DEPDC5: variants seen among roughly 807,000 people sequenced by gnomAD.
DEPDC5 encodes the protein DEP domain containing 5, GATOR1 subcomplex subunit.
Under a neutral mutation model 217.3 loss-of-function variants are expected in DEPDC5, and 73 were observed. The ratio of observed to expected loss-of-function variants is 0.34; its 90% CI spans 0.28 to 0.41. The LOEUF (loss-of-function observed/expected upper bound fraction) is 0.41. Among genes scored for constraint, DEPDC5 ranks in the 10% least tolerant of loss-of-function variants. The pLI is 1.00. For missense variants in DEPDC5, 1,675 were observed against 2,070.1 expected (o/e 0.81, Z 3.70); for synonymous variants, 733 against 756.7 (o/e 0.97, Z 0.51).
Position 31,864,529 on chromosome 22 carries a change from T to TATAC in DEPDC5, c.3330+3099_3330+3100insCATA, listed in dbSNP as rs2092628208. Among the ~76,000 whole-genome samples, 3 of 134,986 alleles carry TATAC rather than the reference T, an allele frequency of 2.2e-5. No individual in the cohort carries two copies. In the South Asian group the frequency reaches 6.8e-4, roughly 30 times the overall value. The allele number at this position is 134,986 out of a possible 152,430, so 88.6% of individuals were successfully genotyped here. On this transcript the variant is annotated intron_variant, in intron 33 of 42. Coordinates refer to ENST00000651528, the MANE Select transcript of DEPDC5 (RefSeq NM_001242896.3). ...ATATATATATATATATATATATTTATATATTTATTTATTTACTGTGTGTAT... is the reference window on the plus strand; with the variant it reads ...ATATATATATATATATATATATTTATATACATATTTATTTATTTACTGTGTGTAT...
intron 7 of DEPDC5, among the ~76,000 whole-genome samples, chr22:31,773,196 A>G (rs1347358222): frequency 6.6e-6 from 1 of 152,036 alleles, no homozygotes; most frequent in Non-Finnish European, 1.5e-5. Context: ...TTATTTTTAT[A>G]TATTTATTTC....
chr22:31,791,939 A>AG (rs2085703381), intron 10 of DEPDC5, 94 bp from the exon 11 acceptor site: 2 of 626,990 alleles, frequency 3.2e-6, no homozygotes, highest in African/African-American at 1.9e-5. Flanking sequence ...AAAAAAAAAA[A>AG]AAAAAAAAAA....
intron 23 of DEPDC5, 119 bp downstream of exon 23, chr22:31,821,756 G>A (rs773553056): frequency 1.8e-4 from 249 of 1,398,928 alleles, no homozygotes; most frequent in Non-Finnish European, 2.3e-4. Flanking sequence ...GACAGTATGA[G>A]GTCAGGGCCT....
At chr22:31,811,407 C>G (rs1438835300) in intron 20 of DEPDC5, among the ~76,000 whole-genome samples, 1 of 152,152 alleles carries the variant, frequency 6.6e-6, no homozygotes, top group Admixed American at 6.5e-5. Context: ...AAACAATTCA[C>G]AAATTCCAGA....
At chr22:31,761,654 C>T (rs1448704507) in intron 4 of DEPDC5, among the ~76,000 whole-genome samples, 2 of 141,962 alleles carry the variant, frequency 1.4e-5, no homozygotes, top group Non-Finnish European at 3.0e-5. Flanking sequence ...CAGAGCAAGA[C>T]CCTATCTCAA....
At chr22:31,788,253 A>G (rs967912437) in intron 10 of DEPDC5, among the ~76,000 whole-genome samples, 2 of 148,420 alleles carry the variant, frequency 1.3e-5, no homozygotes, top group African/African-American at 5.0e-5. Context: ...CACACCCACT[A>G]GGATGACTGT....
At chr22:31,899,846 C>T (rs929606033) in intron 40 of DEPDC5, among the ~76,000 whole-genome samples, 3 of 152,134 alleles carry the variant, frequency 2.0e-5, no homozygotes, top group Non-Finnish European at 2.9e-5. Context: ...GAGAGCAGCC[C>T]GGACTCTGTC....
intron 7 of DEPDC5, among the ~76,000 whole-genome samples, chr22:31,770,547 A>ATTTTTTTTT (rs34409975): frequency 3.7e-5 from 5 of 133,464 alleles, no homozygotes; most frequent in African/African-American, 5.5e-5. Context: ...CACGTAGCTA[A>ATTTTTTTTT]TTTTTTTTTT....
Position 31,906,481 on chromosome 22 carries a change from A to G in DEPDC5, c.4796A>G (p.His1599Arg). 6.2e-7 allele frequency: 1 copy of G among 1,606,134 alleles called. No individual in the cohort carries two copies. The highest frequency in any genetic ancestry group is 8.5e-7 in the Non-Finnish European group (1 of 1,173,788). The change falls in exon 43 of 43, where the codon CAT becomes CGT. Residue 1599 changes from histidine to arginine, a missense_variant. By Grantham distance (29) the His-to-Arg change is conservative. This residue lies in a region of DEPDC5 where 49 missense variants were observed against 74.7 expected (regional missense o/e 0.66). Coordinates refer to ENST00000651528, the MANE Select transcript of DEPDC5 (RefSeq NM_001242896.3). This position sits in a 1 kb window ranked among gnomAD's most constrained non-coding sequence, Gnocchi z 5.1. Reference sequence around the variant, plus strand: ...TGGACAAGTTGCCTGGAGAAGATGCATGCCAGTGCCCCGTGAGGCCAGGCT... The same window carrying G: ...TGGACAAGTTGCCTGGAGAAGATGCGTGCCAGTGCCCCGTGAGGCCAGGCT... ...TFWTSCLEKMHASAP is the reference protein window; with the variant it reads ...TFWTSCLEKMRASAP
intron 39 of DEPDC5, among the ~76,000 whole-genome samples, chr22:31,897,023 G>A (rs1018878523): frequency 2.0e-5 from 3 of 152,046 alleles, no homozygotes; most frequent in African/African-American, 7.2e-5. Context: ...AGTCTCAGGT[G>A]GGAGAATTGC....
At chr22:31,778,614 A>T (rs1444114022) in intron 8 of DEPDC5, among the ~76,000 whole-genome samples, 1 of 152,186 alleles carries the variant, frequency 6.6e-6, no homozygotes, top group Non-Finnish European at 1.5e-5. Context: ...TTTGGAGTTG[A>T]TCTTCATTTT....
chr22:31,838,803 G>A lies in DEPDC5; in HGVS notation c.2473G>A (p.Ala825Thr). The change falls in exon 27 of 43, where the codon GCT (alanine) becomes ACT (threonine). Residue 825 changes from alanine (A) to threonine (T), a missense_variant. By Grantham distance (58) the Ala-to-Thr change is moderately conservative. Coordinates refer to ENST00000651528, the MANE Select transcript of DEPDC5 (RefSeq NM_001242896.3). ...GCCCAAGACACAGAAACCCAATCCT[G>A]CTGTCCCGCCCCCGCTGAGCAGTAG... ...VQPKTQKPNPAVPPPLSSSPL... is the reference protein window; with the variant it reads ...VQPKTQKPNPTVPPPLSSSPL... The A allele has an allele frequency of 6.2e-7, 1 of 1,614,120 alleles. No individual in the cohort carries two copies. Among genetic ancestry groups the A allele is most frequent in the South Asian group, 1.1e-5 (1 of 91,082 alleles).
rs576802181 is a variant in DEPDC5 at position 31,769,158 on chromosome 22, A to G, written c.413+295A>G. On this transcript the variant is annotated intron_variant, in intron 7 of 42. Transcript: ENST00000651528. ...GCCTGTAGTCGCAGCTACTTGGGAG[A>G]CTGAGGCAGGAGAATGGCGTGAACC... The G allele has an allele frequency of 1.1e-4, 21 of 184,754 alleles. No individual in the cohort carries two copies. In the South Asian group the frequency reaches 1.9e-3, roughly 17 times the overall value. 11.4% of individuals were successfully genotyped at this position (184,754 alleles called of 1,614,324 possible).
intron 7 of DEPDC5, among the ~76,000 whole-genome samples, chr22:31,770,530 A>AC (rs2083248836): frequency 6.9e-6 from 1 of 144,764 alleles, no homozygotes; most frequent in South Asian, 2.2e-4. Context: ...ACAGTTACCC[A>AC]CCACCACACG....
chr22:31,789,991 C>G (rs2085436922), intron 10 of DEPDC5, among the ~76,000 whole-genome samples: 1 of 152,246 alleles, frequency 6.6e-6, no homozygotes, highest in Admixed American at 6.5e-5. Context: ...ACCCTCTCAC[C>G]ACATCACTTA....
intron 29 of DEPDC5, chr22:31,844,669 C>T (rs1163782611): frequency 4.2e-6 from 1 of 238,220 alleles, no homozygotes. Flanking sequence ...GGAATCAAAG[C>T]AAAAACTGCC....
Position 31,809,591 on chromosome 22 carries a change from TTATC to T in DEPDC5, c.1288-16_1288-13del. 2 of 1,613,474 alleles carry T rather than the reference TTATC, an allele frequency of 1.2e-6. No homozygotes were observed. The highest frequency in any genetic ancestry group is 1.7e-6 in the Non-Finnish European group (2 of 1,179,446). Reference sequence around the variant, plus strand: ...TTCTAGCGAAGGAAGGAGTGATTAATTATCTATTTAATTTTTCAGCCCGCCTCTG... The same window carrying T: ...TTCTAGCGAAGGAAGGAGTGATTAATTATTTAATTTTTCAGCCCGCCTCTG... On this transcript the variant is annotated splice_polypyrimidine_tract_variant and intron_variant, in intron 18 of 42. Coordinates refer to ENST00000651528, the MANE Select transcript of DEPDC5 (RefSeq NM_001242896.3).
At chr22:31,810,061 C>T (rs879753919) in intron 19 of DEPDC5, among the ~76,000 whole-genome samples, 6 of 152,120 alleles carry the variant, frequency 3.9e-5, no homozygotes, top group Non-Finnish European at 5.9e-5. Context: ...AGTCAGGAGA[C>T]CTGAGTTCCC....
At chr22:31,765,998 A>G (rs1488215705) in intron 5 of DEPDC5, among the ~76,000 whole-genome samples, 1 of 152,078 alleles carries the variant, frequency 6.6e-6, no homozygotes, top group Non-Finnish European at 1.5e-5. Context: ...CTGCACTCCA[A>G]CCTGGGCAAC....
Sources: gnomAD v4.1 joint callset for allele counts (sites outside exome capture counted in the v4.1 genomes callset) on GRCh38, gnomAD v4.1.1 for gene constraint, gnomAD v4.1.1 regional missense constraint, Gnocchi (gnomAD v3.1) non-coding constraint, MANE v1.5 for transcripts, NCBI Gene and HGNC (gene_info 2026-07-23, HGNC 2026-07-21) for gene names.